CCDC30: variants seen among roughly 807,000 people sequenced by gnomAD.
CCDC30 encodes coiled-coil domain containing 30.
Under a neutral mutation model 100.2 loss-of-function variants are expected in CCDC30, and 70 were observed. The observed-to-expected ratio is 0.70, with a 90% CI of 0.58 to 0.85. CCDC30 has a LOEUF of 0.85. CCDC30 is among the 40% of genes least tolerant of loss of function. The pLI is 0.00. For synonymous variants in CCDC30, 233 were observed against 269.5 expected (o/e 0.86, Z 1.33); for missense variants, 652 against 771.2 (o/e 0.85, Z 1.83).
chr1:42,502,161 C>T (rs1049099197), intron 6 of CCDC30, among the ~76,000 whole-genome samples: 4 of 152,196 alleles, frequency 2.6e-5, no homozygotes, highest in African/African-American at 9.7e-5. Context: ...CAATGGTGGG[C>T]ACCCCTCCCC....
In CCDC30 at chr1:42,469,412, A is replaced by G. The variant is rs866646345; in HGVS notation, c.-92+5514A>G. On this transcript the variant is annotated intron_variant, in intron 1 of 16. Coordinates refer to ENST00000668663, the Ensembl canonical transcript of CCDC30. ...GCAGAAGGCAAAATGCAGCAAGTGT[A>G]AGAGTGTGGAAGCCAAGCACAGAAG... Among the ~76,000 whole-genome samples, 2 of 152,170 alleles carry G rather than the reference A, an allele frequency of 1.3e-5. 1 individual carries two copies. Among genetic ancestry groups the G allele is most frequent in the African/African-American group, 4.8e-5 (2 of 41,440 alleles).
At chr1:42,631,932 G>A (rs1006094002) in intron 11 of CCDC30, among the ~76,000 whole-genome samples, 3 of 152,118 alleles carry the variant, frequency 2.0e-5, no homozygotes, top group African/African-American at 7.2e-5. Flanking sequence ...GCCAAGTCCT[G>A]GAATCATAGA....
chr1:42,566,273 C>G (rs1369129528), intron 6 of CCDC30, 23 bp from the exon 11 acceptor site: 1 of 1,584,698 alleles, frequency 6.3e-7, no homozygotes, highest in East Asian at 2.3e-5. Context: ...GTCTGTGTTT[C>G]TCTTTTAAAA....
intron 1 of CCDC30, among the ~76,000 whole-genome samples, chr1:42,470,790 A>G (rs1643745848): frequency 6.6e-6 from 1 of 152,180 alleles, no homozygotes; most frequent in African/African-American, 2.4e-5. Context: ...AGAGATTCCC[A>G]GGGCCTGGGG....
intron 6 of CCDC30, among the ~76,000 whole-genome samples, chr1:42,515,376 T>A (rs1462615834): frequency 6.6e-6 from 1 of 152,174 alleles, no homozygotes; most frequent in Non-Finnish European, 1.5e-5. Flanking sequence ...AGACCCCAGT[T>A]TGTGGGATTT....
chr1:42,459,988 A>C, upstream of CCDC30: 2 of 1,512,528 alleles, frequency 1.3e-6, no homozygotes, highest in Middle Eastern at 2.4e-4. Flanking sequence ...GAAAACTACA[A>C]AAAAAACCAT....
At chr1:42,589,253 T>A in intron 9 of CCDC30, 68 bp from the exon 14 acceptor site, 7 of 1,309,774 alleles carry the variant, frequency 5.3e-6, no homozygotes, top group Non-Finnish European at 5.2e-6. Context: ...TGTGATGCCA[T>A]AAAAATTTTA....
At chr1:42,628,164 T>G (rs1646967532) in intron 11 of CCDC30, among the ~76,000 whole-genome samples, 1 of 152,150 alleles carries the variant, frequency 6.6e-6, no homozygotes, top group Non-Finnish European at 1.5e-5. Context: ...TCACAGGAGA[T>G]CATTTTGGAG....
At chr1:42,621,363 G>A (rs1040278550) in intron 11 of CCDC30, among the ~76,000 whole-genome samples, 1 of 151,618 alleles carries the variant, frequency 6.6e-6, no homozygotes, top group Non-Finnish European at 1.5e-5. Context: ...TGCCCAGGCT[G>A]GGAGTGCAGT....
chr1:42,525,076 C>T (rs1401630050), intron 6 of CCDC30, among the ~76,000 whole-genome samples: 1 of 151,946 alleles, frequency 6.6e-6, no homozygotes, highest in Non-Finnish European at 1.5e-5. Flanking sequence ...TTTCTTTTTT[C>T]TCTGGCATTT....
chr1:42,510,949 T>C (rs1207255556), intron 6 of CCDC30, among the ~76,000 whole-genome samples: 1 of 152,080 alleles, frequency 6.6e-6, no homozygotes, highest in Non-Finnish European at 1.5e-5. Flanking sequence ...GAGCCACTTT[T>C]TCTTCAAAGT....
At chr1:42,479,158 C>T (rs748668549) in intron 1 of CCDC30, among the ~76,000 whole-genome samples, 36 of 152,174 alleles carry the variant, frequency 2.4e-4, no homozygotes, top group African/African-American at 7.7e-4. Context: ...GGCGGATCAC[C>T]GGAGGTCAAG....
intron 6 of CCDC30, among the ~76,000 whole-genome samples, chr1:42,554,141 C>A (rs1250448128): frequency 6.7e-6 from 1 of 150,078 alleles, no homozygotes; most frequent in Non-Finnish European, 1.5e-5. Context: ...ATCTTTAATT[C>A]TCTTAGCCAT....
exon 1 of CCDC30, chr1:42,463,331 G>A (rs1487145657): frequency 6.6e-6 from 1 of 152,254 alleles, no homozygotes; most frequent in Non-Finnish European, 1.5e-5. Context: ...TAGCAGCTGA[G>A]CGCGTAGGGG....
chr1:42,588,938 T>C (rs1646129384), intron 9 of CCDC30, among the ~76,000 whole-genome samples: 1 of 151,466 alleles, frequency 6.6e-6, no homozygotes. Context: ...TTATTATCAA[T>C]AGTGCTTGTA....
intron 6 of CCDC30, among the ~76,000 whole-genome samples, chr1:42,541,444 C>T (rs1206510066): frequency 6.6e-6 from 1 of 152,198 alleles, no homozygotes; most frequent in African/African-American, 2.4e-5. Flanking sequence ...TGAAGAATGT[C>T]TCTTAATTTG....
chr1:42,466,197 T>C (rs1042249632), intron 1 of CCDC30, among the ~76,000 whole-genome samples: 12 of 152,228 alleles, frequency 7.9e-5, no homozygotes, highest in Admixed American at 7.8e-4. Context: ...GGCTGTGCTA[T>C]GTACTTTGTT....
rs764371352 is a variant in CCDC30, at chr1:42,589,313, G to T, written c.1002-8G>T. 6.4e-7 allele frequency: 1 copy of T among 1,573,542 alleles called. No individual in the cohort carries two copies. Among genetic ancestry groups the T allele is most frequent in the Non-Finnish European group, 8.6e-7 (1 of 1,161,566 alleles). Reference sequence around the variant, plus strand: ...TGGTGTGATTTAATCTACATTAATTGCCCTCAGGAAACTTCTATATCAGAA... The same window carrying T: ...TGGTGTGATTTAATCTACATTAATTTCCCTCAGGAAACTTCTATATCAGAA... On this transcript the variant is annotated splice_polypyrimidine_tract_variant and splice_region_variant and intron_variant, in intron 9 of 16. Transcript: ENST00000668663.
chr1:42,461,246 T>A (rs1249984443), upstream of CCDC30, among the ~76,000 whole-genome samples: 3 of 152,216 alleles, frequency 2.0e-5, no homozygotes, highest in African/African-American at 7.2e-5. Flanking sequence ...ATTCTAAGAC[T>A]GAAATACTTC....
Sources: gnomAD v4.1 joint callset for allele counts (sites outside exome capture counted in the v4.1 genomes callset) on GRCh38, gnomAD v4.1.1 for gene constraint, MANE v1.5 for transcripts, NCBI Gene and HGNC (gene_info 2026-07-23, HGNC 2026-07-21) for gene names.